RBM19: variants seen among roughly 807,000 people sequenced by gnomAD.
RBM19 encodes RNA binding motif protein 19, also known as probable RNA-binding protein 19.
Under a neutral mutation model 116.8 loss-of-function variants are expected in RBM19, and 94 were observed. That is an observed-to-expected ratio of 0.80 (90% CI 0.68 to 0.95). RBM19 has a LOEUF of 0.95. RBM19 is among the 40% of genes least tolerant of loss of function. The pLI, the probability that RBM19 is intolerant of heterozygous loss-of-function variation, is 0.00. For synonymous variants in RBM19, 475 were observed against 494.1 expected (o/e 0.96, Z 0.51); for missense variants, 1,161 against 1,220.7 (o/e 0.95, Z 0.73).
intron 16 of RBM19, among the ~76,000 whole-genome samples, chr12:113,935,433 C>T (rs945978321): frequency 1.3e-5 from 2 of 152,120 alleles, no homozygotes; most frequent in Admixed American, 1.3e-4. Context: ...TTGATGGGAA[C>T]AGGCACAGGT....
intron 18 of RBM19, among the ~76,000 whole-genome samples, chr12:113,922,492 G>A (rs115359172): frequency 0.016 from 2,404 of 152,294 alleles, 72 homozygotes; most frequent in African/African-American, 0.054. Flanking sequence ...CTCCCCAGGA[G>A]TACAAGGCTG....
At chr12:113,885,023 A>C (rs1428098293) in intron 21 of RBM19, among the ~76,000 whole-genome samples, 1 of 152,238 alleles carries the variant, frequency 6.6e-6, no homozygotes, top group Non-Finnish European at 1.5e-5. Context: ...GAATGATGGA[A>C]TTACACAATC....
intron 23 of RBM19, among the ~76,000 whole-genome samples, chr12:113,840,241 A>C (rs1876345017): frequency 6.6e-6 from 1 of 152,114 alleles, no homozygotes; most frequent in Non-Finnish European, 1.5e-5. Context: ...TGCAATGAGG[A>C]ATTCAGACTC....
chr12:113,914,914 C>G (rs199582762), intron 21 of RBM19, 55 bp downstream of exon 21: 4 of 1,475,402 alleles, frequency 2.7e-6, no homozygotes, highest in Non-Finnish European at 3.8e-6. Context: ...CCCTGAGACT[C>G]GGGCAGGCTC....
At chr12:113,842,655 C>T (rs1876594948) in intron 23 of RBM19, among the ~76,000 whole-genome samples, 1 of 152,084 alleles carries the variant, frequency 6.6e-6, no homozygotes, top group Admixed American at 6.5e-5. Flanking sequence ...GATAACAAAT[C>T]GTAAAGAAAT....
chr12:113,870,627 A>C (rs773633311), intron 21 of RBM19, among the ~76,000 whole-genome samples: 5 of 152,134 alleles, frequency 3.3e-5, no homozygotes, highest in Non-Finnish European at 5.9e-5. Context: ...AAATACAGGG[A>C]GAATGTCCAC....
intron 21 of RBM19, among the ~76,000 whole-genome samples, chr12:113,892,262 G>A (rs1881010303): frequency 6.6e-6 from 1 of 152,152 alleles, no homozygotes; most frequent in South Asian, 2.1e-4. Flanking sequence ...CGAGACCTCA[G>A]GTGAGTCACT....
chr12:113,923,274 T>C (rs75110335), intron 18 of RBM19, among the ~76,000 whole-genome samples: 54 of 152,180 alleles, frequency 3.5e-4, no homozygotes, highest in African/African-American at 1.2e-3. Context: ...CCTGTGAACA[T>C]GGAGGAGGCC....
At chr12:113,961,390 C>T (rs528690293) in intron 2 of RBM19, among the ~76,000 whole-genome samples, 8 of 152,182 alleles carry the variant, frequency 5.3e-5, no homozygotes, top group Admixed American at 2.0e-4. Flanking sequence ...ATGACATGCT[C>T]ACGGTACAAA....
intron 21 of RBM19, among the ~76,000 whole-genome samples, chr12:113,887,500 G>A (rs1593535666): frequency 6.6e-6 from 1 of 151,426 alleles, no homozygotes; most frequent in African/African-American, 2.4e-5. Flanking sequence ...AGCCAGGCGT[G>A]GTGGCATGCA....
intron 6 of RBM19, 54 bp from the exon 7 acceptor site, chr12:113,955,265 G>T: frequency 1.3e-6 from 2 of 1,524,576 alleles, no homozygotes; most frequent in Non-Finnish European, 1.8e-6. Context: ...TCGTACAGCT[G>T]CAGGAGGTGG....
chr12:113,947,502 A>G (rs3741693), intron 10 of RBM19, 38 bp from the exon 11 acceptor site: 184,494 of 1,562,088 alleles, frequency 0.12, 13,133 homozygotes, highest in African/African-American at 0.33. Flanking sequence ...GGTAGGCCGC[A>G]GCCACTTGGC....
intron 21 of RBM19, among the ~76,000 whole-genome samples, chr12:113,907,877 ACT>A (rs1203499705): frequency 6.6e-6 from 1 of 152,112 alleles, no homozygotes; most frequent in African/African-American, 2.4e-5. Flanking sequence ...CAAGCTCTTA[ACT>A]CTGCTGCGGA....
rs1041194204 is a variant in RBM19 at position 113,898,580 on chromosome 12, A to G, written c.2558+16389T>C. Among the ~76,000 whole-genome samples, 3 of 152,236 alleles carry G rather than the reference A, an allele frequency of 2.0e-5. No individual in the cohort carries two copies. Among genetic ancestry groups the G allele is most frequent in the Non-Finnish European group, 4.4e-5 (3 of 68,042 alleles). Reference sequence around the variant, plus strand: ...TTTTTAAGTGATCAGGATAGAACCAATAAGCACCGCTGCATGAAAACGGGT... The same window carrying G: ...TTTTTAAGTGATCAGGATAGAACCAGTAAGCACCGCTGCATGAAAACGGGT... On this transcript the variant is annotated intron_variant, in intron 21 of 23. Transcript: ENST00000261741. This position sits in a 1 kb window ranked among gnomAD's most constrained non-coding sequence, Gnocchi z 4.3.
downstream of RBM19, among the ~76,000 whole-genome samples, chr12:113,820,455 G>A (rs1010710451): frequency 5.9e-5 from 9 of 152,220 alleles, no homozygotes; most frequent in Non-Finnish European, 1.2e-4. Context: ...CAGGGAGGAA[G>A]GCCGGGACAG....
At chr12:113,933,434 G>T (rs1300056820) in intron 16 of RBM19, among the ~76,000 whole-genome samples, 2 of 152,186 alleles carry the variant, frequency 1.3e-5, no homozygotes, top group East Asian at 3.9e-4. Flanking sequence ...GCAGGAGGAG[G>T]CCCTGGAGAT....
At chr12:113,840,427 TG>T (rs1876360564) in intron 23 of RBM19, among the ~76,000 whole-genome samples, 1 of 152,228 alleles carries the variant, frequency 6.6e-6, no homozygotes. Flanking sequence ...GGGCTGCTCC[TG>T]CCCCCGGGAA....
rs534609662 is a variant in RBM19, at chr12:113,851,062, C to T, written c.2665-6274G>A. Among the ~76,000 whole-genome samples, 9 of 152,320 alleles carry T rather than the reference C, an allele frequency of 5.9e-5. No individual in the cohort carries two copies. In the East Asian group the frequency reaches 1.4e-3, roughly 23 times the overall value. On this transcript the variant is annotated intron_variant, in intron 22 of 23. Transcript: ENST00000261741. ...GCTCCCACTGTCCTGTGAGTAAGCT[C>T]TCAGCAAACCTCACTAGCTGCTTCC...
intron 21 of RBM19, among the ~76,000 whole-genome samples, chr12:113,874,343 G>A (rs1020837318): frequency 3.9e-5 from 6 of 152,126 alleles, no homozygotes; most frequent in Non-Finnish European, 5.9e-5. Context: ...TCTCATGATC[G>A]GGCTCTCAAT....
Sources: allele counts gnomAD v4.1 joint callset (sites outside exome capture counted in the v4.1 genomes callset), GRCh38; gene constraint gnomAD v4.1.1; non-coding constraint Gnocchi (gnomAD v3.1); transcripts MANE v1.5; gene names NCBI Gene and HGNC (gene_info 2026-07-23, HGNC 2026-07-21).